VWA2: variants seen among roughly 807,000 people sequenced by gnomAD.
The protein encoded by VWA2 is von Willebrand factor A domain containing 2.
Under a neutral mutation model 70.4 loss-of-function variants are expected in VWA2, and 73 were observed. The ratio of observed to expected loss-of-function variants is 1.04; its 90% CI spans 0.86 to 1.26. The LOEUF (loss-of-function observed/expected upper bound fraction) is 1.26, where lower values mean the gene tolerates loss of function less well. Among genes scored for constraint, VWA2 ranks in the 50% most tolerant of loss-of-function variants. The pLI is 0.00. For synonymous variants in VWA2, 407 were observed against 423.3 expected, an observed-to-expected ratio of 0.96 and a Z score of 0.47; for missense variants, 1,011 against 998.5, an observed-to-expected ratio of 1.01 and a Z score of -0.17.
chr10:114,291,227 G>C lies in VWA2; in HGVS notation c.2258G>C (p.Arg753Thr), dbSNP rs1157186075. The C allele has an allele frequency of 6.4e-7, 1 of 1,550,532 alleles. No homozygotes were observed. The highest frequency in any genetic ancestry group is 2.0e-5 in the Admixed American group (1 of 50,974). Residue 753 changes from arginine (R) to threonine (T), a missense_variant, in exon 14 of 14, where the codon AGA (arginine) becomes ACA (threonine). By Grantham distance (71) the Arg-to-Thr change is moderately conservative. Transcript: ENST00000392982. ...TCACTTCCTTCCCCAGGATTCTTGA[G>C]ACGCCCCTGAGGCACATGGCTCCCG... ...EGPHCENRFLRRP is the reference protein window; with the variant it reads ...EGPHCENRFLTRP
In VWA2 at chr10:114,286,206, C is replaced by T. The variant is rs145489270; in HGVS notation, c.1265C>T (p.Thr422Met). The T allele has an allele frequency of 5.9e-5, 96 of 1,613,956 alleles. No individual in the cohort carries two copies. In the Middle Eastern group the frequency reaches 6.6e-4, roughly 11 times the overall value. ...GIPFRGGPTL[T>M]GSALRQAAER... ...CCCTTCCGTGGTGGCCCCACCCTGA[C>T]GGGCAGTGCCTTGCGGCAGGCGGCA... is the stretch of plus-strand genomic sequence containing the variant. The change falls in exon 11 of 14, where the codon ACG becomes ATG. Residue 422 changes from threonine (T) to methionine (M), a missense_variant. Coordinates refer to ENST00000392982, the MANE Select transcript of VWA2 (RefSeq NM_001272046.2).
chr10:114,289,252 C>T lies in VWA2; in HGVS notation c.1885C>T (p.Arg629Trp), dbSNP rs747714601. 55 of 1,613,970 alleles carry T rather than the reference C, an allele frequency of 3.4e-5. No individual in the cohort carries two copies. The highest frequency in any genetic ancestry group is 2.8e-4 in the Admixed American group (17 of 59,996). ...DKVMTVQRGA[R>W]PGVPKAVVVL... Reference sequence around the variant, plus strand: ...AGTGATGACCGTCCAGAGGGGTGCCCGGCCTGGTGTCCCCAAAGCTGTGGT... The same window carrying T: ...AGTGATGACCGTCCAGAGGGGTGCCTGGCCTGGTGTCCCCAAAGCTGTGGT... The change falls in exon 12 of 14, where the codon CGG (arginine) becomes TGG (tryptophan). Residue 629 changes from arginine to tryptophan, a missense_variant. By Grantham distance (101) the Arg-to-Trp change is moderately radical. Coordinates refer to ENST00000392982, the MANE Select transcript of VWA2 (RefSeq NM_001272046.2).
intron 10 of VWA2, among the ~76,000 whole-genome samples, chr10:114,285,591 A>G (rs2133552993): frequency 6.6e-6 from 1 of 152,366 alleles, no homozygotes; most frequent in South Asian, 2.1e-4. Flanking sequence ...TGCAAAAGGC[A>G]AAGCAGTGAA....
At chr10:114,247,516 C>T (rs1407046669) in intron 1 of VWA2, among the ~76,000 whole-genome samples, 1 of 152,066 alleles carries the variant, frequency 6.6e-6, no homozygotes, top group Non-Finnish European at 1.5e-5. Context: ...CCAGGCTGGT[C>T]GTGAACTCCT....
chr10:114,268,795 C>T (rs984227430), intron 5 of VWA2, among the ~76,000 whole-genome samples: 10 of 151,782 alleles, frequency 6.6e-5, no homozygotes, highest in East Asian at 1.9e-4. Flanking sequence ...CCCAGGTTCA[C>T]GCCATTCTCC....
chr10:114,281,706 C>T (rs2038130159), intron 8 of VWA2: 7 of 983,662 alleles, frequency 7.1e-6, no homozygotes, highest in Non-Finnish European at 8.5e-6. Flanking sequence ...GGTGGAGGGG[C>T]GGGGCTGGGG....
At chr10:114,280,532 G>A (rs1451700144) in intron 8 of VWA2, among the ~76,000 whole-genome samples, 4 of 152,056 alleles carry the variant, frequency 2.6e-5, no homozygotes, top group East Asian at 1.9e-4. Flanking sequence ...TGAGGGAGGT[G>A]GGGGGCAAAC....
At chr10:114,258,865 C>T (rs968378714) in intron 4 of VWA2, among the ~76,000 whole-genome samples, 12 of 152,186 alleles carry the variant, frequency 7.9e-5, no homozygotes, top group African/African-American at 2.9e-4. Context: ...ATGCCTTTTT[C>T]CTCCTCACAT....
rs2037626681 is a variant in VWA2, at chr10:114,268,603, CG to C, written c.372-4136del. On this transcript the variant is annotated intron_variant, in intron 5 of 13. Coordinates refer to ENST00000392982, the MANE Select transcript of VWA2 (RefSeq NM_001272046.2). ...CACTATTCTCTGAGTGGGGTTTCCTCGTTTGTTAAACGTAGAAATAGACCCT... is the reference window on the plus strand; with the variant it reads ...CACTATTCTCTGAGTGGGGTTTCCTCTTTGTTAAACGTAGAAATAGACCCT... 2.0e-5 allele frequency among the ~76,000 whole-genome samples: 3 copies of C among 152,278 alleles called. No individual in the cohort carries two copies. In the South Asian group the frequency reaches 6.2e-4, roughly 32 times the overall value.
At chr10:114,249,554 C>A (rs984151430) in intron 2 of VWA2, among the ~76,000 whole-genome samples, 1 of 152,166 alleles carries the variant, frequency 6.6e-6, no homozygotes, top group Non-Finnish European at 1.5e-5. Flanking sequence ...CTGCGCCTGG[C>A]CCTCAGCTCC....
intron 2 of VWA2, among the ~76,000 whole-genome samples, chr10:114,252,348 A>AGGGGAGGAGGGAGTATTAGGT (rs2037214121): frequency 6.6e-6 from 1 of 152,076 alleles, no homozygotes; most frequent in South Asian, 2.1e-4. Flanking sequence ...GTAGAGATTG[A>AGGGGAGGAGGGAGTATTAGGT]GGGGAGGAGG....
At chr10:114,250,958 C>G (rs2037183237) in intron 2 of VWA2, among the ~76,000 whole-genome samples, 1 of 152,206 alleles carries the variant, frequency 6.6e-6, no homozygotes, top group South Asian at 2.1e-4. Context: ...CCCAGAGAGG[C>G]CCTGTGACAT....
intron 5 of VWA2, among the ~76,000 whole-genome samples, chr10:114,263,637 G>A (rs149975269): frequency 2.6e-5 from 4 of 152,060 alleles, no homozygotes; most frequent in South Asian, 2.1e-4. Context: ...GTGCCTGGCC[G>A]AATCTGCACT....
intron 10 of VWA2, among the ~76,000 whole-genome samples, chr10:114,285,685 A>G (rs760833221): frequency 6.6e-6 from 1 of 152,248 alleles, no homozygotes; most frequent in Non-Finnish European, 1.5e-5. Flanking sequence ...AGGACTAACC[A>G]TAATGGAAAA....
chr10:114,286,181 C>T lies in VWA2; in HGVS notation c.1240C>T (p.Pro414Ser). 1.9e-6 allele frequency: 3 copies of T among 1,613,794 alleles called. No homozygotes were observed. The highest frequency in any genetic ancestry group is 2.5e-6 in the Non-Finnish European group (3 of 1,179,814). ...CCTGGTCTGGAGCCTCGATGGCATT[C>T]CCTTCCGTGGTGGCCCCACCCTGAC... Reference protein sequence around the residue: ...PDLVWSLDGIPFRGGPTLTGS... With the variant: ...PDLVWSLDGISFRGGPTLTGS... The change falls in exon 11 of 14, where the codon CCC becomes TCC. Residue 414 changes from proline (P) to serine (S), a missense_variant. Transcript: ENST00000392982.
intron 8 of VWA2, chr10:114,281,188 T>C (rs1461489648): frequency 6.6e-6 from 1 of 152,270 alleles, no homozygotes; most frequent in Non-Finnish European, 1.5e-5. Flanking sequence ...AGAAGCCTTA[T>C]TTGGAGAACT....
intron 1 of VWA2, among the ~76,000 whole-genome samples, chr10:114,244,853 G>C (rs944573402): frequency 6.6e-6 from 1 of 152,184 alleles, no homozygotes; most frequent in African/African-American, 2.4e-5. Context: ...GCCCTGAAAG[G>C]GTCCCTCTAG....
chr10:114,245,708 A>C (rs1360483451), intron 1 of VWA2, among the ~76,000 whole-genome samples: 3 of 152,054 alleles, frequency 2.0e-5, no homozygotes, highest in Non-Finnish European at 4.4e-5. Flanking sequence ...TATCCTTCTC[A>C]CCACCTTTCT....
chr10:114,278,001 C>T lies in VWA2; in HGVS notation c.654C>T (p.Leu218=). 6.2e-7 allele frequency: 1 copy of T among 1,613,274 alleles called. No individual in the cohort carries two copies. The highest frequency in any genetic ancestry group is 1.1e-5 in the South Asian group (1 of 91,044). The change falls in exon 7 of 14, where the codon CTC becomes CTT. Residue 218 remains leucine (L), a synonymous_variant. Coordinates refer to ENST00000392982, the MANE Select transcript of VWA2 (RefSeq NM_001272046.2). ...AGGTGGAGGATGCCACCAACGGCCT[C>T]TTCAGCACCCTCAGCAGCTCGGCCA... ...AEQVEDATNG[L]FSTLSSSAIC...
Sources: allele counts gnomAD v4.1 joint callset (sites outside exome capture counted in the v4.1 genomes callset), GRCh38; gene constraint gnomAD v4.1.1; transcripts MANE v1.5; gene names NCBI Gene and HGNC (gene_info 2026-07-23, HGNC 2026-07-21).